NFRKB: variants seen among roughly 807,000 people sequenced by gnomAD.
The protein encoded by NFRKB is nuclear factor related to kappaB binding protein, also known as nuclear factor related to kappa-B-binding protein.
Under a neutral mutation model 135.7 loss-of-function variants are expected in NFRKB, and 62 were observed. The observed-to-expected ratio is 0.46, with a 90% CI of 0.37 to 0.56. The LOEUF is 0.56. Among genes scored for constraint, NFRKB ranks in the 20% least tolerant of loss-of-function variants. NFRKB has a pLI of 0.00. For synonymous variants in NFRKB, 678 were observed against 635.6 expected (o/e 1.07, Z -1.00); for missense variants, 1,545 against 1,662.0 (o/e 0.93, Z 1.22).
chr11:129,869,360 G>T, intron 24 of NFRKB, 134 bp downstream of exon 24: 1 of 964,664 alleles, frequency 1.0e-6, no homozygotes, highest in Non-Finnish European at 1.5e-6. Flanking sequence ...TAAACGAGGT[G>T]CTTTTAGGGC....
At position 129,892,733 on chromosome 11, in the gene NFRKB, G is replaced by T; in HGVS notation, c.117C>A (p.Pro39=). The T allele has an allele frequency of 6.2e-7, 1 of 1,613,890 alleles. No individual in the cohort carries two copies. The highest frequency in any genetic ancestry group is 8.5e-7 in the Non-Finnish European group (1 of 1,180,020). Residue 39 remains proline, a synonymous_variant, in exon 3 of 27, where the codon CCC becomes CCA. Coordinates refer to ENST00000682444, the MANE Select transcript of NFRKB (RefSeq NM_001143835.2). ...CLLGGTRVSL[P]EDLLEDPEIF... ...TACTCACATCCTCCAGAAGGTCCTC[G>T]GGCAGACTAACTCTGGTGCCTCCCA...
chr11:129,873,131 A>C (rs1394494779), intron 22 of NFRKB, 35 bp from the exon 23 acceptor site: 1 of 1,516,798 alleles, frequency 6.6e-7, no homozygotes, highest in Non-Finnish European at 8.9e-7. Flanking sequence ...GCTTAATTAG[A>C]CTCTAAGATG....
At chr11:129,871,009 G>T (rs375109496) in intron 23 of NFRKB, among the ~76,000 whole-genome samples, 1 of 152,010 alleles carries the variant, frequency 6.6e-6, no homozygotes, top group Non-Finnish European at 1.5e-5. Context: ...TCACCCCTTG[G>T]TATGTGCGAG....
intron 4 of NFRKB, among the ~76,000 whole-genome samples, chr11:129,887,224 T>C (rs951640774): frequency 4.6e-5 from 7 of 152,156 alleles, no homozygotes; most frequent in African/African-American, 1.4e-4. Flanking sequence ...ATATAGTAAC[T>C]GATGCAGTTG....
chr11:129,882,491 G>T lies in NFRKB; in HGVS notation c.1042C>A (p.Gln348Lys). The T allele has an allele frequency of 6.2e-7, 1 of 1,613,914 alleles. No homozygotes were observed. Among genetic ancestry groups the T allele is most frequent in the East Asian group, 2.2e-5 (1 of 44,890 alleles). Residue 348 changes from glutamine (Q) to lysine (K), a missense_variant, in exon 10 of 27, where the codon CAG becomes AAG. Physicochemically the swap from Gln to Lys is moderately conservative, Grantham distance 53. This residue lies in a region of NFRKB where 678 missense variants were observed against 646.7 expected (regional missense o/e 1.05). Transcript: ENST00000682444. ...GGAATTGCCAGCGGAGAGGGGGCCT[G>T]TGAGAGAGGTGCGACCCCTTCAGTA... ...SSTEGVAPLS[Q>K]APSPLAIPAI... is the part of the protein sequence containing the mutation.
rs987811914 is a variant in NFRKB at position 129,884,819 on chromosome 11, G to A, written c.668C>T (p.Pro223Leu). ...CACCGCAGGACTAGGAGAACGTGCT[G>A]GAGAGCTCGGAAGCCATGAGCTGAG... ...EDLSSWLPSS[P>L]ARSPSPAVPL... Residue 223 changes from proline (P) to leucine (L), a missense_variant, in exon 7 of 27, where the codon CCA becomes CTA. By Grantham distance (98) the Pro-to-Leu change is moderately conservative. Around this residue, in one of 3 missense-constraint regions of NFRKB, gnomAD observed 678 missense variants for 646.7 expected, o/e 1.05. Coordinates refer to ENST00000682444, the MANE Select transcript of NFRKB (RefSeq NM_001143835.2). 4.3e-6 allele frequency: 7 copies of A among 1,614,188 alleles called. No homozygotes were observed. The highest frequency in any genetic ancestry group is 5.9e-6 in the Non-Finnish European group (7 of 1,180,018).
intron 13 of NFRKB, among the ~76,000 whole-genome samples, chr11:129,880,063 T>G (rs1185361382): frequency 6.6e-6 from 1 of 152,096 alleles, no homozygotes; most frequent in Non-Finnish European, 1.5e-5. Context: ...TGCGTACGCC[T>G]GTGGTCCCAG....
intron 6 of NFRKB, 165 bp from the exon 7 acceptor site, chr11:129,885,011 G>A (rs1326892210): frequency 1.1e-6 from 1 of 950,622 alleles, no homozygotes; most frequent in Non-Finnish European, 1.6e-6. Context: ...GCACACTTAG[G>A]TCATCTAACG....
rs1480127810 is a variant in NFRKB, at chr11:129,885,574, G to A, written c.501C>T (p.Ala167=). The change falls in exon 6 of 27, where the codon GCC becomes GCT. Residue 167 remains alanine (A), a synonymous_variant. Coordinates refer to ENST00000682444, the MANE Select transcript of NFRKB (RefSeq NM_001143835.2). ...LLEMARRSGP[A]LPFRQKRPSP... Reference sequence around the variant, plus strand: ...AAGGGCGTTTCTGCCGGAAGGGAAGGGCGGGGCCACTCCGCCGGGCCATCT... The same window carrying A: ...AAGGGCGTTTCTGCCGGAAGGGAAGAGCGGGGCCACTCCGCCGGGCCATCT... The A allele has an allele frequency of 6.8e-6, 11 of 1,613,180 alleles. No homozygotes were observed. The highest frequency in any genetic ancestry group is 2.2e-5 in the East Asian group (1 of 44,866).
chr11:129,895,168 C>T (rs1028747478), intron 1 of NFRKB, among the ~76,000 whole-genome samples: 1 of 152,196 alleles, frequency 6.6e-6, no homozygotes, highest in Non-Finnish European at 1.5e-5. Context: ...GCTGGACCCT[C>T]CCCAACGCAG....
chr11:129,890,121 A>C (rs1949488071), intron 3 of NFRKB, among the ~76,000 whole-genome samples: 1 of 151,288 alleles, frequency 6.6e-6, no homozygotes, highest in African/African-American at 2.4e-5. Context: ...AGAAAGATGC[A>C]AAGGACGGCA....
intron 17 of NFRKB, among the ~76,000 whole-genome samples, 196 bp downstream of exon 17, chr11:129,876,525 C>A (rs1214994087): frequency 6.6e-6 from 1 of 152,054 alleles, no homozygotes; most frequent in Non-Finnish European, 1.5e-5. Flanking sequence ...TAAATGTAAG[C>A]CCAGACTTAA....
chr11:129,875,460 C>T lies in NFRKB; in HGVS notation c.1751G>A (p.Arg584Gln), dbSNP rs745776901. ...ATTAGGCAGTCGAGCCGCAGCGTCC[C>T]GAACTGATGACATGAGAAAGCACAC... ...PAYVTILSLV[R>Q]DAAARLPNGE... Residue 584 changes from arginine to glutamine, a missense_variant, in exon 18 of 27, where the codon CGG becomes CAG. Physicochemically the swap from Arg to Gln is conservative, Grantham distance 43. Around this residue, in one of 3 missense-constraint regions of NFRKB, gnomAD observed 114 missense variants for 211.0 expected, o/e 0.54. Transcript: ENST00000682444. 1.9e-6 allele frequency: 3 copies of T among 1,599,158 alleles called. No homozygotes were observed. Among genetic ancestry groups the T allele is most frequent in the South Asian group, 1.1e-5 (1 of 87,908 alleles).
chr11:129,872,801 C>G, intron 23 of NFRKB, 83 bp downstream of exon 23: 1 of 1,346,996 alleles, frequency 7.4e-7, no homozygotes. Flanking sequence ...CATGGGCATG[C>G]AGTCTGGCCA....
chr11:129,881,671 T>C, intron 12 of NFRKB, 56 bp downstream of exon 12: 1 of 1,599,468 alleles, frequency 6.3e-7, no homozygotes. Flanking sequence ...TTTATTCTAA[T>C]AATTAATTAG....
chr11:129,870,495 G>A (rs1013619529), intron 23 of NFRKB, among the ~76,000 whole-genome samples: 1 of 152,076 alleles, frequency 6.6e-6, no homozygotes, highest in African/African-American at 2.4e-5. Flanking sequence ...GTGGGGGAGG[G>A]AGGAATTAGA....
At chr11:129,892,257 T>C (rs918285805) in intron 3 of NFRKB, among the ~76,000 whole-genome samples, 4 of 152,188 alleles carry the variant, frequency 2.6e-5, no homozygotes, top group Admixed American at 1.3e-4. Flanking sequence ...TCTTATGCCT[T>C]TGTGTCCTCA....
intron 24 of NFRKB, 90 bp downstream of exon 24, chr11:129,869,404 G>A: frequency 7.0e-7 from 1 of 1,433,816 alleles, no homozygotes; most frequent in Non-Finnish European, 9.3e-7. Context: ...AAGTTTCCTA[G>A]TTTTTAGGGA....
In NFRKB at chr11:129,869,001, C is replaced by T. The variant is rs574003956; in HGVS notation, c.3531+493G>A. 1.1e-4 allele frequency among the ~76,000 whole-genome samples: 17 copies of T among 152,254 alleles called. No individual in the cohort carries two copies. The South Asian group carries it at 3.3e-3, about 30-fold the overall frequency. On this transcript the variant is annotated intron_variant, in intron 24 of 26. Transcript: ENST00000682444. ...TGCCATTGCGCTCCAGCCTGGGCAA[C>T]AAGAGTGAGACTCCATCTCAAAAAT...
Sources: allele counts gnomAD v4.1 joint callset (sites outside exome capture counted in the v4.1 genomes callset), GRCh38; gene constraint gnomAD v4.1.1; regional missense constraint gnomAD v4.1.1; transcripts MANE v1.5; gene names NCBI Gene and HGNC (gene_info 2026-07-23, HGNC 2026-07-21).